The following EXOC2 variants were observed in gnomAD, a reference collection of about 807,000 sequenced individuals.
EXOC2 encodes the protein SEC5-like 1.
In EXOC2, 70 loss-of-function variants were observed where a neutral mutation model predicts 131.8. The observed-to-expected ratio is 0.53, with a 90% CI of 0.44 to 0.65. The LOEUF is 0.65. EXOC2 is among the 30% of genes least tolerant of loss of function. The pLI, the probability that EXOC2 is intolerant of heterozygous loss-of-function variation, is 0.00. For missense variants in EXOC2, 923 were observed against 1,108.6 expected (o/e 0.83, Z 2.38); for synonymous variants, 411 against 398.4 (o/e 1.03, Z -0.38).
At position 604,446 on chromosome 6, in the gene EXOC2, T is replaced by C. The variant is rs568573910; in HGVS notation, c.743-5221A>G. ...GCCTACCGTCCACTTCTGGCTGCTC[T>C]CCTCTTGCCTCTGGCGTACCTCCCT... On this transcript the variant is annotated intron_variant, in intron 7 of 27. Coordinates refer to ENST00000230449, the MANE Select transcript of EXOC2 (RefSeq NM_018303.6). Among the ~76,000 whole-genome samples, 8 of 152,300 alleles carry C rather than the reference T, an allele frequency of 5.3e-5. No individual in the cohort carries two copies. In the South Asian group the frequency reaches 1.2e-3, roughly 24 times the overall value.
chr6:606,203 T>C (rs1760401193), intron 7 of EXOC2, among the ~76,000 whole-genome samples: 1 of 151,876 alleles, frequency 6.6e-6, no homozygotes, highest in African/African-American at 2.4e-5. Context: ...CACTCATAGG[T>C]GGGAATTGAA....
At chr6:557,253 A>G (rs1021889268) in intron 17 of EXOC2, among the ~76,000 whole-genome samples, 1 of 152,244 alleles carries the variant, frequency 6.6e-6, no homozygotes, top group Non-Finnish European at 1.5e-5. Flanking sequence ...CGATCATGAA[A>G]GTCAAAGTTG....
chr6:596,126 C>A (rs1759805898), intron 10 of EXOC2, among the ~76,000 whole-genome samples: 1 of 151,916 alleles, frequency 6.6e-6, no homozygotes, highest in South Asian at 2.1e-4. Context: ...AGAACACATC[C>A]CGCACAGCGC....
rs376937689 is a variant in EXOC2, at chr6:549,245, C to T, written c.2168G>A (p.Arg723His). 81 of 1,614,030 alleles carry T rather than the reference C, an allele frequency of 5.0e-5. No individual in the cohort carries two copies. The highest frequency in any genetic ancestry group is 4.1e-4 in the African/African-American group (31 of 74,914). ...IVLSNCCYLE[R>H]HTFLNIAEHF... is the part of the protein sequence containing the mutation. Reference sequence around the variant, plus strand: ...TTCTGCGATATTTAGGAAGGTGTGACGTTCTAGATAGCAGCAATTACTTAG... The same window carrying T: ...TTCTGCGATATTTAGGAAGGTGTGATGTTCTAGATAGCAGCAATTACTTAG... Residue 723 changes from arginine (R) to histidine (H), a missense_variant, in exon 22 of 28, where the codon CGT becomes CAT. By Grantham distance (29) the Arg-to-His change is conservative (BLOSUM62 0). Transcript: ENST00000230449.
At chr6:684,525 A>T (rs1764555433) in intron 1 of EXOC2, among the ~76,000 whole-genome samples, 1 of 152,192 alleles carries the variant, frequency 6.6e-6, no homozygotes, top group Admixed American at 6.5e-5. Flanking sequence ...AAGTAAATAC[A>T]TTTTCCTTAT....
intron 10 of EXOC2, among the ~76,000 whole-genome samples, chr6:597,067 G>T (rs979848627): frequency 2.0e-5 from 3 of 152,162 alleles, no homozygotes; most frequent in Non-Finnish European, 4.4e-5. Flanking sequence ...CCGAAAAATA[G>T]AACTCAAGTC....
intron 4 of EXOC2, among the ~76,000 whole-genome samples, chr6:628,710 G>A (rs1440187544): frequency 1.3e-5 from 2 of 152,148 alleles, no homozygotes; most frequent in Non-Finnish European, 2.9e-5. Context: ...GAAAGAGACT[G>A]GCTTTCCAGA....
chr6:548,266 C>T (rs925809975), intron 22 of EXOC2, among the ~76,000 whole-genome samples: 1 of 152,102 alleles, frequency 6.6e-6, no homozygotes, highest in Non-Finnish European at 1.5e-5. Context: ...AAAAAAAAAT[C>T]CCAATGTAGT....
At chr6:493,189 G>A (rs546400942) in intron 25 of EXOC2, among the ~76,000 whole-genome samples, 2 of 152,334 alleles carry the variant, frequency 1.3e-5, no homozygotes, top group East Asian at 1.9e-4. Context: ...AAGCCATCTA[G>A]ATCAAAGCAG....
At chr6:559,048 GTC>G (rs1757570342) in intron 17 of EXOC2, among the ~76,000 whole-genome samples, 1 of 152,094 alleles carries the variant, frequency 6.6e-6, no homozygotes, top group African/African-American at 2.4e-5. Context: ...AAATAGTTCT[GTC>G]TCTGTGTATT....
At chr6:518,307 C>T (rs1765271851) in intron 23 of EXOC2, among the ~76,000 whole-genome samples, 4 of 152,152 alleles carry the variant, frequency 2.6e-5, no homozygotes, top group Admixed American at 1.3e-4. Context: ...GTGAGATGAT[C>T]GCTGCTTAAG....
chr6:552,462 T>C (rs968500283), intron 21 of EXOC2, among the ~76,000 whole-genome samples: 2 of 152,242 alleles, frequency 1.3e-5, no homozygotes, highest in Non-Finnish European at 2.9e-5. Flanking sequence ...CATTTTTCTT[T>C]TGTTCAGCCA....
At chr6:625,321 C>G (rs556618990) in intron 4 of EXOC2, among the ~76,000 whole-genome samples, 1 of 152,218 alleles carries the variant, frequency 6.6e-6, no homozygotes, top group Non-Finnish European at 1.5e-5. Flanking sequence ...CTGGCTGCAG[C>G]GGTGTTATTC....
intron 11 of EXOC2, among the ~76,000 whole-genome samples, chr6:580,765 T>C (rs1429766733): frequency 6.6e-6 from 1 of 152,168 alleles, no homozygotes; most frequent in East Asian, 1.9e-4. Flanking sequence ...TAAAAGTCTT[T>C]TTAGCTATAA....
At chr6:615,190 T>C (rs902549240) in intron 6 of EXOC2, among the ~76,000 whole-genome samples, 1 of 150,862 alleles carries the variant, frequency 6.6e-6, no homozygotes, top group South Asian at 2.1e-4. Flanking sequence ...TGGGTGTGTG[T>C]GTGTGTGTGT....
At chr6:608,238 C>T (rs1054868612) in intron 7 of EXOC2, among the ~76,000 whole-genome samples, 1 of 152,372 alleles carries the variant, frequency 6.6e-6, no homozygotes, top group East Asian at 1.9e-4. Flanking sequence ...GGGACTCTCT[C>T]GGGGCCAGAG....
At chr6:583,402 A>G (rs943049489) in intron 11 of EXOC2, among the ~76,000 whole-genome samples, 125 of 152,196 alleles carry the variant, frequency 8.2e-4, no homozygotes, top group African/African-American at 2.7e-3. Flanking sequence ...CAAATTGACA[A>G]GGTCCTTTTC....
At chr6:566,871 C>A (rs1322177129) in intron 13 of EXOC2, among the ~76,000 whole-genome samples, 1 of 152,182 alleles carries the variant, frequency 6.6e-6, no homozygotes, top group Non-Finnish European at 1.5e-5. Context: ...TCTGAAGCTT[C>A]CTCCAAGCAT....
chr6:537,940 C>A (rs1453846252), intron 22 of EXOC2, among the ~76,000 whole-genome samples: 3 of 152,066 alleles, frequency 2.0e-5, no homozygotes, highest in African/African-American at 7.2e-5. Flanking sequence ...AAACAGGGCA[C>A]AAGGGAAGGT....
Sources: gnomAD v4.1 joint callset for allele counts (sites outside exome capture counted in the v4.1 genomes callset) on GRCh38, gnomAD v4.1.1 for gene constraint, MANE v1.5 for transcripts, NCBI Gene and HGNC (gene_info 2026-07-23, HGNC 2026-07-21) for gene names.